The following SLC60A1 variants were observed in gnomAD, a reference collection of about 807,000 sequenced individuals.
SLC60A1 encodes major facilitator superfamily domain containing 4.
the SLC60A1 span, chr1:205,579,694 G>C: frequency 4.4e-6 from 7 of 1,594,308 alleles, no homozygotes; most frequent in Non-Finnish European, 6.0e-6. Context: ...GAATGGAGGA[G>C]AAGGGGGAGG....
chr1:205,585,000 G>T, the SLC60A1 span: 1 of 1,610,366 alleles, frequency 6.2e-7, no homozygotes, highest in Non-Finnish European at 8.5e-7. Flanking sequence ...CGGTGAGCCT[G>T]CCTCAGAGGG....
the SLC60A1 span, chr1:205,580,935 G>T: frequency 6.2e-7 from 1 of 1,610,918 alleles, no homozygotes; most frequent in Non-Finnish European, 8.5e-7. The surrounding 1 kb of genome is among the most constrained non-coding windows in gnomAD (Gnocchi z 5.0). Context: ...AGTGTCCCTG[G>T]GGTGGGCCAG....
the SLC60A1 span, among the ~76,000 whole-genome samples, chr1:205,591,408 G>GT: frequency 6.7e-6 from 1 of 149,042 alleles, no homozygotes; most frequent in Non-Finnish European, 1.5e-5. Context: ...CTTGAGCCCT[G>GT]TAGGTCGAGG....
chr1:205,597,834 A>G, the SLC60A1 span: 1 of 1,613,974 alleles, frequency 6.2e-7, no homozygotes, highest in Non-Finnish European at 8.5e-7. Context: ...ATGGTGCTGC[A>G]GATGCTGGTT....
chr1:205,592,177 T>C, the SLC60A1 span: 1 of 1,614,124 alleles, frequency 6.2e-7, no homozygotes, highest in South Asian at 1.1e-5. Flanking sequence ...CTGCTTATTT[T>C]CTCCTACAAC....
the SLC60A1 span, among the ~76,000 whole-genome samples, chr1:205,574,189 G>A: frequency 1.3e-5 from 2 of 151,620 alleles, no homozygotes; most frequent in African/African-American, 4.8e-5. Flanking sequence ...GCTCACACCT[G>A]TAATTCCAGC....
the SLC60A1 span, chr1:205,597,507 G>A: frequency 3.6e-6 from 1 of 275,972 alleles, no homozygotes; most frequent in East Asian, 9.2e-5. Flanking sequence ...TCCTACCTTA[G>A]CCTCCCAAGT....
the SLC60A1 span, among the ~76,000 whole-genome samples, chr1:205,571,248 G>T: frequency 1.3e-5 from 2 of 152,182 alleles, no homozygotes; most frequent in African/African-American, 4.8e-5. Flanking sequence ...TAAGAAACTT[G>T]GCCCACATCA....
chr1:205,600,277 C>A, the SLC60A1 span: 2 of 894,176 alleles, frequency 2.2e-6, no homozygotes, highest in Non-Finnish European at 3.4e-6. Flanking sequence ...TCTGACTTTT[C>A]ACTTTGCTCC....
the SLC60A1 span, chr1:205,597,865 GT>G: frequency 6.2e-7 from 1 of 1,613,492 alleles, no homozygotes; most frequent in Admixed American, 1.7e-5. Context: ...GTGGGGACCT[GT>G]AAGGGAGAGG....
At chr1:205,587,565 G>A in the SLC60A1 span, among the ~76,000 whole-genome samples, 1 of 152,130 alleles carries the variant, frequency 6.6e-6, no homozygotes, top group Non-Finnish European at 1.5e-5. Context: ...TGAGTTGAAG[G>A]GAGTTGTGTT....
At chr1:205,569,093 G>C in the SLC60A1 span, 2 of 1,503,684 alleles carry the variant, frequency 1.3e-6, no homozygotes, top group Non-Finnish European at 1.8e-6. Flanking sequence ...GCCGCGTGTC[G>C]GGGCTGCTCC....
the SLC60A1 span, among the ~76,000 whole-genome samples, chr1:205,575,006 G>A: frequency 6.6e-6 from 1 of 152,220 alleles, no homozygotes; most frequent in Non-Finnish European, 1.5e-5. Flanking sequence ...TGTGAAGGCT[G>A]GGGTGACCAA....
chr1:205,569,315 G>T, the SLC60A1 span: 21 of 1,472,908 alleles, frequency 1.4e-5, no homozygotes, highest in East Asian at 4.7e-4. Flanking sequence ...TGCCGCGCCC[G>T]TGCGCCCCCG....
chr1:205,595,886 G>A, the SLC60A1 span, among the ~76,000 whole-genome samples: 1 of 152,210 alleles, frequency 6.6e-6, no homozygotes, highest in South Asian at 2.1e-4. Flanking sequence ...ACAGATGGGT[G>A]CTGCTGGAAT....
chr1:205,591,343 G>A, the SLC60A1 span, among the ~76,000 whole-genome samples: 4 of 152,096 alleles, frequency 2.6e-5, no homozygotes, highest in Non-Finnish European at 4.4e-5. Flanking sequence ...ATTAGCAGGC[G>A]TGGTGGCACA....
chr1:205,592,646 C>G, the SLC60A1 span, among the ~76,000 whole-genome samples: 1 of 152,082 alleles, frequency 6.6e-6, no homozygotes, highest in Admixed American at 6.6e-5. Context: ...TGAACACCCC[C>G]CTCCTGACTT....
chr1:205,585,864 G>A, the SLC60A1 span, among the ~76,000 whole-genome samples: 5 of 152,194 alleles, frequency 3.3e-5, no homozygotes, highest in African/African-American at 1.2e-4. The surrounding 1 kb of genome is among the most constrained non-coding windows in gnomAD (Gnocchi z 4.2). Flanking sequence ...CTTGAGCCAA[G>A]TGTGTAGTGT....
At chr1:205,592,299 G>A in the SLC60A1 span, 1 of 1,602,348 alleles carries the variant, frequency 6.2e-7, no homozygotes. Flanking sequence ...TGAGGGCCGG[G>A]CCCGAGCCAG....
Sources: allele counts gnomAD v4.1 joint callset (sites outside exome capture counted in the v4.1 genomes callset), GRCh38; gene constraint gnomAD v4.1.1; non-coding constraint Gnocchi (gnomAD v3.1); transcripts MANE v1.5; gene names NCBI Gene and HGNC (gene_info 2026-07-23, HGNC 2026-07-21).